The following ULK4 variants were observed in gnomAD, a reference collection of about 807,000 sequenced individuals.
ULK4 encodes unc-51 like kinase 4.
ULK4 carries 133 observed loss-of-function variants against 160.6 expected under a neutral mutation model. The ratio of observed to expected loss-of-function variants is 0.83; its 90% CI spans 0.72 to 0.96. ULK4 has a LOEUF of 0.96. ULK4 is among the 40% of genes least tolerant of loss of function. The pLI, the probability that ULK4 is intolerant of heterozygous loss-of-function variation, is 0.00. For missense variants in ULK4, 1,580 were observed against 1,499.5 expected (o/e 1.05, Z -0.89); for synonymous variants, 534 against 539.8 (o/e 0.99, Z 0.15).
At chr3:41,958,339 A>G (rs191612381) in intron 1 of ULK4, among the ~76,000 whole-genome samples, 2 of 152,316 alleles carry the variant, frequency 1.3e-5, no homozygotes, top group East Asian at 3.9e-4. Context: ...AAAAAGGGTT[A>G]AGATGGTAAA....
intron 32 of ULK4, among the ~76,000 whole-genome samples, chr3:41,504,817 C>G (rs1013398298): frequency 2.6e-5 from 4 of 152,104 alleles, no homozygotes; most frequent in Non-Finnish European, 5.9e-5. Context: ...CATTTTCAAT[C>G]TAATCAAGAG....
At chr3:41,795,599 T>A (rs1411461499) in intron 20 of ULK4, among the ~76,000 whole-genome samples, 1 of 152,254 alleles carries the variant, frequency 6.6e-6, no homozygotes, top group African/African-American at 2.4e-5. Flanking sequence ...CAAAATGTGC[T>A]GCTTTAAACA....
At chr3:41,961,893 A>C (rs1011635702) in intron 1 of ULK4, 123 bp downstream of exon 1, 3 of 152,728 alleles carry the variant, frequency 2.0e-5, no homozygotes, top group Non-Finnish European at 4.4e-5. Context: ...CCACTGGCAG[A>C]AGGAGAGAGG....
rs540018134 is a variant in ULK4, at chr3:41,953,659, C to T, written c.138+963G>A. Among the ~76,000 whole-genome samples the T allele has an allele frequency of 8.9e-4, 135 of 152,214 alleles. 1 individual carries two copies. The highest frequency in any genetic ancestry group is 2.7e-3 in the African/African-American group (114 of 41,546). Reference sequence around the variant, plus strand: ...TATTTCAAACCCAAGTCATTATCACCCAGTGTCCTTCCTTGACAGTAAATT... The same window carrying T: ...TATTTCAAACCCAAGTCATTATCACTCAGTGTCCTTCCTTGACAGTAAATT... On this transcript the variant is annotated intron_variant, in intron 2 of 36. Coordinates refer to ENST00000301831, the MANE Select transcript of ULK4 (RefSeq NM_017886.4).
chr3:41,828,327 G>A (rs2041443486), intron 18 of ULK4, among the ~76,000 whole-genome samples: 1 of 149,338 alleles, frequency 6.7e-6, no homozygotes, highest in Non-Finnish European at 1.5e-5. Flanking sequence ...GGAAATAAAG[G>A]GCATTCAATT....
At chr3:41,704,295 G>T in intron 27 of ULK4, among the ~76,000 whole-genome samples, 1 of 152,088 alleles carries the variant, frequency 6.6e-6, no homozygotes, top group South Asian at 2.1e-4. Flanking sequence ...ATACCAAATC[G>T]CCAGTGCTTC....
At chr3:41,408,936 T>TAA (rs2082353399) in intron 34 of ULK4, among the ~76,000 whole-genome samples, 2 of 152,094 alleles carry the variant, frequency 1.3e-5, no homozygotes. Context: ...TCACACCATA[T>TAA]ATAAAAATTA....
chr3:41,484,610 A>G (rs550290445), intron 32 of ULK4, among the ~76,000 whole-genome samples: 24 of 151,616 alleles, frequency 1.6e-4, no homozygotes, highest in East Asian at 5.8e-4. Context: ...CCGCCACCAC[A>G]CCCGGCTAAT....
chr3:41,558,555 T>G (rs1279004579), intron 32 of ULK4, among the ~76,000 whole-genome samples: 2 of 151,746 alleles, frequency 1.3e-5, no homozygotes, highest in Non-Finnish European at 2.9e-5. Flanking sequence ...TATACAAAAA[T>G]TAGCCGGGCA....
Position 41,473,661 on chromosome 3 carries a change from C to CAAAAAAAAAAAAAAAAAAAAA in ULK4, c.3227-10409_3227-10408insTTTTTTTTTTTTTTTTTTTTT, listed in dbSNP as rs1294599838. On this transcript the variant is annotated intron_variant, in intron 32 of 36. Transcript: ENST00000301831. ...TGGGCAACAGAATGAGATTCTGTCT[C>CAAAAAAAAAAAAAAAAAAAAA]AAAGAAAAAAAAAAAAAAAAAAAGA... 1.2e-4 allele frequency among the ~76,000 whole-genome samples: 3 copies of CAAAAAAAAAAAAAAAAAAAAA among 25,290 alleles called. 1 individual carries two copies. The highest frequency in any genetic ancestry group is 5.5e-4 in the African/African-American group (3 of 5,504). The allele number at this position is 25,290 out of a possible 152,430, so 16.6% of individuals were successfully genotyped here. A position where few individuals can be genotyped will look rare whatever the true frequency, so the allele number is the denominator to read the frequency against.
At chr3:41,711,790 T>C (rs796991475) in intron 25 of ULK4, among the ~76,000 whole-genome samples, 73 of 152,338 alleles carry the variant, frequency 4.8e-4, no homozygotes, top group African/African-American at 1.8e-3. Context: ...AATGTTAGGT[T>C]AATACACATC....
chr3:41,287,784 A>C (rs2079490619), intron 35 of ULK4, among the ~76,000 whole-genome samples: 1 of 152,226 alleles, frequency 6.6e-6, no homozygotes, highest in South Asian at 2.1e-4. Context: ...GCCAGAGCCC[A>C]AACACAGGAA....
intron 31 of ULK4, among the ~76,000 whole-genome samples, chr3:41,588,832 A>G (rs1370376755): frequency 1.3e-5 from 2 of 152,244 alleles, no homozygotes; most frequent in African/African-American, 4.8e-5. Context: ...ATGGTAATAA[A>G]GAAAACAAAA....
chr3:41,688,105 T>C (rs1332987202), intron 27 of ULK4: 2 of 152,270 alleles, frequency 1.3e-5, no homozygotes, highest in African/African-American at 2.4e-5. Context: ...TCAGACTAAA[T>C]AGGGCTCCCA....
intron 29 of ULK4, among the ~76,000 whole-genome samples, chr3:41,677,124 G>A (rs1251301579): frequency 6.6e-6 from 1 of 151,790 alleles, no homozygotes; most frequent in Non-Finnish European, 1.5e-5. Context: ...GCCCAGGCTA[G>A]TCTCAAACTC....
chr3:41,635,911 T>C (rs1394819987), intron 30 of ULK4, among the ~76,000 whole-genome samples: 2 of 152,232 alleles, frequency 1.3e-5, no homozygotes, highest in Non-Finnish European at 2.9e-5. Context: ...TCATTAAATA[T>C]TCATTTAAAA....
At chr3:41,777,104 G>C (rs1470041711) in intron 21 of ULK4, among the ~76,000 whole-genome samples, 1 of 15,020 alleles carries the variant, frequency 6.7e-5, no homozygotes, top group Non-Finnish European at 9.9e-5. Flanking sequence ...TTCAGAGCCT[G>C]TTATTGGTCT....
chr3:41,829,446 GA>G (rs796407503), intron 18 of ULK4, among the ~76,000 whole-genome samples: 34,821 of 144,926 alleles, frequency 0.24, 5,559 homozygotes, highest in African/African-American at 0.44. Context: ...AAATTTACAA[GA>G]AAAAAAAACA....
intron 27 of ULK4, among the ~76,000 whole-genome samples, chr3:41,698,974 G>A (rs1258730036): frequency 2.6e-5 from 4 of 152,072 alleles, no homozygotes; most frequent in African/African-American, 9.7e-5. Flanking sequence ...TAGATCATTT[G>A]TTTTCTCTGT....
Sources: gnomAD v4.1 joint callset for allele counts (sites outside exome capture counted in the v4.1 genomes callset) on GRCh38, gnomAD v4.1.1 for gene constraint, MANE v1.5 for transcripts, NCBI Gene and HGNC (gene_info 2026-07-23, HGNC 2026-07-21) for gene names.